Variants in CEP43 observed in about 807,000 individuals in gnomAD.
CEP43 encodes FGFR1 oncogene partner.
In CEP43, 36 loss-of-function variants were observed where a neutral mutation model predicts 52.6. The ratio of observed to expected loss-of-function variants is 0.68; its 90% CI spans 0.52 to 0.90. The LOEUF is 0.90. CEP43 is among the 40% of genes least tolerant of loss of function. The pLI is 0.00. For missense variants in CEP43, 506 were observed against 472.8 expected (o/e 1.07, Z -0.65); for synonymous variants, 192 against 172.4 (o/e 1.11, Z -0.89).
rs1780703715 is a variant in CEP43 at position 167,041,856 on chromosome 6, CTG to C, written c.*1882_*1883del. The C allele has an allele frequency of 3.2e-6, 3 of 941,504 alleles. No homozygotes were observed. Among genetic ancestry groups the C allele is most frequent in the Non-Finnish European group, 3.8e-6 (3 of 781,870 alleles). 58.3% of individuals were successfully genotyped at this position (941,504 alleles called of 1,614,324 possible). ...GGGGGGCGGGGGGGACAGAGTCTCACTGTGTCACTCAGACTGGAGTACAGTGA... is the reference window on the plus strand; with the variant it reads ...GGGGGGCGGGGGGGACAGAGTCTCACTGTCACTCAGACTGGAGTACAGTGA... On this transcript the variant is annotated 3_prime_UTR_variant, in exon 13 of 13. Transcript: ENST00000366847.
intron 12 of CEP43, 29 bp downstream of exon 12, chr6:167,034,000 GC>G: frequency 3.6e-6 from 4 of 1,117,912 alleles, no homozygotes; most frequent in Non-Finnish European, 3.9e-6. Context: ...CCCATAGAGT[GC>G]TTTTTTTTTT....
intron 9 of CEP43, chr6:167,025,196 CT>C: frequency 5.3e-6 from 1 of 187,394 alleles, no homozygotes; most frequent in East Asian, 1.2e-4. Context: ...ATCATCTCTC[CT>C]TTTTTGGACA....
rs1257347423 is a variant in CEP43 at position 167,023,366 on chromosome 6, G to A, written c.806+731G>A. Among the ~76,000 whole-genome samples the A allele has an allele frequency of 2.6e-5, 4 of 152,168 alleles. No individual in the cohort carries two copies. The East Asian group carries it at 7.7e-4, about 29-fold the overall frequency. ...ATGATGGAAAAGGATTTGCCAGTAA[G>A]TGCTAGAGAAAAGTAATATACAGAG... On this transcript the variant is annotated intron_variant, in intron 8 of 12. Coordinates refer to ENST00000366847, the MANE Select transcript of CEP43 (RefSeq NM_007045.4).
rs977273044 is a variant in CEP43 at position 167,044,328 on chromosome 6, C to T, written c.*4350C>T. ...AAAAAATTGTTGGCCTAAGATAATTCAGTAGCAGGGCTGAATAATGGGATG... is the reference window on the plus strand; with the variant it reads ...AAAAAATTGTTGGCCTAAGATAATTTAGTAGCAGGGCTGAATAATGGGATG... On this transcript the variant is annotated 3_prime_UTR_variant, in exon 13 of 13. Transcript: ENST00000366847. 2.3e-6 allele frequency: 2 copies of T among 880,818 alleles called. No individual in the cohort carries two copies. The highest frequency in any genetic ancestry group is 3.6e-5 in the African/African-American group (2 of 55,216). The allele number at this position is 880,818 out of a possible 1,614,324, so 54.6% of individuals were successfully genotyped here. A position where few individuals can be genotyped will look rare whatever the true frequency, so the allele number is the denominator to read the frequency against.
At chr6:167,019,280 ATACACCTGCTGTGCACACGCG>A (rs1385210465) in intron 7 of CEP43, among the ~76,000 whole-genome samples, 19 of 146,904 alleles carry the variant, frequency 1.3e-4, no homozygotes, top group Admixed American at 9.7e-4. Context: ...GTGCACACAC[ATACACCTGCTGTGCACACGCG>A]TACACCTGCT....
At chr6:167,000,246 C>T in intron 2 of CEP43, 133 bp downstream of exon 2, 1 of 646,804 alleles carries the variant, frequency 1.5e-6, no homozygotes, top group Non-Finnish European at 2.5e-6. Flanking sequence ...GATTACATTA[C>T]TATTGAGAGA....
intron 12 of CEP43, chr6:167,036,039 C>T (rs376638476): frequency 3.7e-5 from 36 of 982,898 alleles, no homozygotes; most frequent in Middle Eastern, 5.2e-4. Context: ...ACATTTCTGT[C>T]GTAGGCACAG....
At chr6:167,008,123 G>GTT (rs71032893) in intron 5 of CEP43, among the ~76,000 whole-genome samples, 7 of 143,994 alleles carry the variant, frequency 4.9e-5, no homozygotes, top group African/African-American at 1.3e-4. Flanking sequence ...AGCCTTATGT[G>GTT]TTTTTTTTTT....
chr6:167,033,361 G>C (rs1780516360), intron 11 of CEP43, among the ~76,000 whole-genome samples: 1 of 151,852 alleles, frequency 6.6e-6, no homozygotes, highest in South Asian at 2.1e-4. Flanking sequence ...CACCCACCTG[G>C]GCCTCCCAAA....
Position 167,009,073 on chromosome 6 carries a change from A to G in CEP43, c.439-1740A>G, listed in dbSNP as rs904867599. ...AGTTTGAGACCAGCCTGGCCAACCT[A>G]GTGAAACCCCGTCTCTATTAAAAAT... On this transcript the variant is annotated intron_variant, in intron 5 of 12. Transcript: ENST00000366847. Among the ~76,000 whole-genome samples, 31 of 151,342 alleles carry G rather than the reference A, an allele frequency of 2.0e-4. No individual in the cohort carries two copies. In the South Asian group the frequency reaches 6.3e-3, roughly 31 times the overall value.
intron 10 of CEP43, among the ~76,000 whole-genome samples, chr6:167,031,273 C>T (rs1339364800): frequency 1.3e-5 from 2 of 152,000 alleles, no homozygotes; most frequent in Non-Finnish European, 2.9e-5. Flanking sequence ...GGGCCTTTCA[C>T]ATGTTTCCTC....
intron 5 of CEP43, among the ~76,000 whole-genome samples, chr6:167,005,693 G>A (rs757018136): frequency 6.6e-5 from 10 of 152,064 alleles, no homozygotes; most frequent in East Asian, 3.8e-4. Flanking sequence ...TTTATTGTGC[G>A]CTTATTTGAT....
At chr6:167,028,404 G>A in intron 10 of CEP43, 1 of 985,356 alleles carries the variant, frequency 1.0e-6, no homozygotes, top group Non-Finnish European at 1.2e-6. Context: ...TGGAATTGGG[G>A]TAGTTATGCA....
In CEP43 at chr6:167,050,958, T is replaced by C. The variant is rs559864380; in HGVS notation, c.*10980T>C. The stretch of plus-strand genomic sequence containing the variant: ...AAACAAGAGACTGGAGTTTTATTAT[T>C]ACTCAAATCAGCCTCCACAAAAATT... On this transcript the variant is annotated 3_prime_UTR_variant, in exon 13 of 13. Coordinates refer to ENST00000366847, the MANE Select transcript of CEP43 (RefSeq NM_007045.4). 1 of 152,234 alleles carries C rather than the reference T, an allele frequency of 6.6e-6. No homozygotes were observed. The highest frequency in any genetic ancestry group is 1.5e-5 in the Non-Finnish European group (1 of 68,018). 9.4% of individuals were successfully genotyped at this position (152,234 alleles called of 1,614,324 possible).
intron 10 of CEP43, among the ~76,000 whole-genome samples, chr6:167,029,190 C>T (rs1356550311): frequency 2.6e-5 from 4 of 152,174 alleles, no homozygotes; most frequent in Non-Finnish European, 5.9e-5. Context: ...AAGCAGAAGG[C>T]TGTCAGGAAG....
rs1780665866 is a variant in CEP43 at position 167,040,170 on chromosome 6, T to A, written c.*192T>A. ...AATACTTCCTATTTGAGCCCATGTG[T>A]GGAAGATTTAATATTCTTAATTTAA... On this transcript the variant is annotated 3_prime_UTR_variant, in exon 13 of 13. Transcript: ENST00000366847. 16 of 1,533,532 alleles carry A rather than the reference T, an allele frequency of 1.0e-5. No individual in the cohort carries two copies. The highest frequency in any genetic ancestry group is 1.3e-5 in the Non-Finnish European group (15 of 1,143,948). The allele number at this position is 1,533,532 out of a possible 1,614,324, so 95.0% of individuals were successfully genotyped here.
chr6:167,051,271 A>G lies in CEP43; in HGVS notation c.*11293A>G, dbSNP rs1195823943. 1 of 152,234 alleles carries G rather than the reference A, an allele frequency of 6.6e-6. No individual in the cohort carries two copies. The highest frequency in any genetic ancestry group is 6.5e-5 in the Admixed American group (1 of 15,276). The allele number at this position is 152,234 out of a possible 1,614,324, so 9.4% of individuals were successfully genotyped here. ...AAAATAGGTGGTAATCTTTACACCTATATCTTAGTAGAATTCAGGCCCCTC... is the reference window on the plus strand; with the variant it reads ...AAAATAGGTGGTAATCTTTACACCTGTATCTTAGTAGAATTCAGGCCCCTC... On this transcript the variant is annotated 3_prime_UTR_variant, in exon 13 of 13. Coordinates refer to ENST00000366847, the MANE Select transcript of CEP43 (RefSeq NM_007045.4).
Position 167,033,942 on chromosome 6 carries a change from G to T in CEP43, c.1096G>T (p.Glu366Ter). ...GEEIEEDLSV[E>*]IDDINTSDKL... ...AGAGATAGAAGAAGACCTTTCTGTGGAAATAGATGACATCAATACCAGTGA... is the reference window on the plus strand; with the variant it reads ...AGAGATAGAAGAAGACCTTTCTGTGTAAATAGATGACATCAATACCAGTGA... The change falls in exon 12 of 13, where the codon GAA (glutamate) becomes TAA (stop). Residue 366 changes from glutamate to a stop codon, truncating the protein, a stop_gained. Coordinates refer to ENST00000366847, the MANE Select transcript of CEP43 (RefSeq NM_007045.4). LOFTEE classifies it high-confidence loss of function. The T allele has an allele frequency of 6.3e-7, 1 of 1,587,652 alleles. No individual in the cohort carries two copies. The highest frequency in any genetic ancestry group is 8.6e-7 in the Non-Finnish European group (1 of 1,159,630).
At chr6:167,008,200 G>A (rs1196368924) in intron 5 of CEP43, among the ~76,000 whole-genome samples, 22 of 151,320 alleles carry the variant, frequency 1.5e-4, no homozygotes. Flanking sequence ...AGTGGCTTGT[G>A]TTTTTTCGCC....
Sources: gnomAD v4.1 joint callset for allele counts (sites outside exome capture counted in the v4.1 genomes callset) on GRCh38, gnomAD v4.1.1 for gene constraint, MANE v1.5 for transcripts, NCBI Gene and HGNC (gene_info 2026-07-23, HGNC 2026-07-21) for gene names.